The following ARID1B variants were observed in gnomAD, a reference collection of about 807,000 sequenced individuals.
ARID1B encodes AT-rich interaction domain 1B.
ARID1B carries 30 observed loss-of-function variants against 212.3 expected under a neutral mutation model. That is an observed-to-expected ratio of 0.14 (90% CI 0.11 to 0.19). The LOEUF is 0.19. Among genes scored for constraint, ARID1B ranks in the 10% least tolerant of loss-of-function variants. The pLI is 1.00. For missense variants in ARID1B, 2,891 were observed against 3,204.0 expected (o/e 0.90, Z 2.36); for synonymous variants, 1,402 against 1,301.7 (o/e 1.08, Z -1.66).
At chr6:156,887,025 A>G (rs1787561927) in intron 2 of ARID1B, among the ~76,000 whole-genome samples, 1 of 152,176 alleles carries the variant, frequency 6.6e-6, no homozygotes, top group African/African-American at 2.4e-5. Context: ...TGCTTTGTGA[A>G]ATGGTGGGCT....
chr6:157,011,520 T>A (rs1171082958), intron 4 of ARID1B, among the ~76,000 whole-genome samples: 2 of 152,200 alleles, frequency 1.3e-5, no homozygotes, highest in African/African-American at 4.8e-5. Context: ...AAGTATAAAA[T>A]GAAAATGTGA....
At chr6:157,023,418 A>G (rs951834083) in intron 4 of ARID1B, 1 of 152,190 alleles carries the variant, frequency 6.6e-6, no homozygotes, top group Non-Finnish European at 1.5e-5. Context: ...GGAAAAGCTT[A>G]ATTTTCTCTG....
intron 6 of ARID1B, among the ~76,000 whole-genome samples, chr6:157,127,184 C>T (rs949295463): frequency 6.6e-6 from 1 of 152,180 alleles, no homozygotes; most frequent in African/African-American, 2.4e-5. Context: ...GAATCATAGA[C>T]ACCTATAGCT....
At chr6:156,803,396 C>T (rs369700559) in intron 1 of ARID1B, among the ~76,000 whole-genome samples, 1 of 152,132 alleles carries the variant, frequency 6.6e-6, no homozygotes, top group Non-Finnish European at 1.5e-5. Flanking sequence ...TAAGAGAGAA[C>T]CAAAATATTT....
At chr6:157,090,170 GCCAGAGGCTTTTGT>G (rs145672250) in intron 5 of ARID1B, among the ~76,000 whole-genome samples, 3,279 of 152,260 alleles carry the variant, frequency 0.022, 113 homozygotes, top group African/African-American at 0.075. Flanking sequence ...TATTTTATTG[GCCAGAGGCTTTTGT>G]CAGCTTTTCC....
intron 19 of ARID1B, chr6:157,204,212 CTTA>C: frequency 1.9e-6 from 1 of 515,204 alleles, no homozygotes; most frequent in Non-Finnish European, 3.4e-6. Context: ...ACCTCTATTT[CTTA>C]TGAGAGAACA....
intron 12 of ARID1B, among the ~76,000 whole-genome samples, chr6:157,182,530 G>C (rs1316663830): frequency 6.6e-6 from 1 of 152,052 alleles, no homozygotes; most frequent in African/African-American, 2.4e-5. Flanking sequence ...AGGTGGCGGG[G>C]GTCACTAACT....
intron 5 of ARID1B, among the ~76,000 whole-genome samples, chr6:157,103,195 AAAG>A (rs1786199873): frequency 6.6e-6 from 1 of 152,230 alleles, no homozygotes; most frequent in Non-Finnish European, 1.5e-5. Context: ...GATGAGTTAC[AAAG>A]ATCTAATTAT....
chr6:157,174,739 TA>T (rs942327196), intron 10 of ARID1B, 107 bp from the exon 11 acceptor site: 1 of 293,450 alleles, frequency 3.4e-6, no homozygotes. Context: ...TATATATATA[TA>T]ATATATATAA....
intron 8 of ARID1B, among the ~76,000 whole-genome samples, chr6:157,156,269 CAA>C (rs1025088331): frequency 2.6e-5 from 4 of 152,122 alleles, no homozygotes; most frequent in African/African-American, 9.7e-5. Context: ...TATTGAAAGA[CAA>C]AGAGAAAAGA....
intron 4 of ARID1B, among the ~76,000 whole-genome samples, chr6:157,010,448 G>C (rs191289623): frequency 2.1e-4 from 32 of 151,740 alleles, no homozygotes; most frequent in Non-Finnish European, 4.6e-4. Context: ...TCAGCCTCCC[G>C]AGTAGCTGGG....
chr6:157,093,086 G>T (rs190890709), intron 5 of ARID1B, among the ~76,000 whole-genome samples: 1 of 152,246 alleles, frequency 6.6e-6, no homozygotes, highest in African/African-American at 2.4e-5. Context: ...TTCTCCCTTC[G>T]CTGAGAATGA....
chr6:156,912,396 C>T (rs1018614541), intron 3 of ARID1B, among the ~76,000 whole-genome samples: 3 of 152,062 alleles, frequency 2.0e-5, no homozygotes, highest in Admixed American at 2.0e-4. Context: ...CCAGCCCCAT[C>T]TTATTAAACC....
At position 157,196,245 on chromosome 6, in the gene ARID1B, T is replaced by A. The variant is rs1488820879; in HGVS notation, c.4312T>A (p.Ser1438Thr). The change falls in exon 16 of 20, where the codon TCC (serine) becomes ACC (threonine). Residue 1438 changes from serine to threonine, a missense_variant. By Grantham distance (58) the Ser-to-Thr change is moderately conservative (BLOSUM62 1). This residue lies in a region of ARID1B where 666 missense variants were observed against 873.5 expected (regional missense o/e 0.76). Transcript: ENST00000636930. ...SMQDMYNQSP[S>T]GAMSNLGMGQ... is the part of the protein sequence containing the mutation. ...GCAGGACATGTACAACCAAAGTCCC[T>A]CCGGAGCAATGTCTAACCTGGGCAT... is the stretch of plus-strand genomic sequence containing the variant. 3 of 1,613,212 alleles carry A rather than the reference T, an allele frequency of 1.9e-6. No individual in the cohort carries two copies. The highest frequency in any genetic ancestry group is 2.2e-5 in the South Asian group (2 of 90,914).
intron 15 of ARID1B, among the ~76,000 whole-genome samples, chr6:157,191,830 A>G (rs1793397876): frequency 6.6e-6 from 1 of 152,256 alleles, no homozygotes; most frequent in Admixed American, 6.5e-5. Flanking sequence ...TCCCTTAAAT[A>G]ATAGTACCTG....
At chr6:157,108,363 G>A (rs1027729419) in intron 5 of ARID1B, among the ~76,000 whole-genome samples, 3 of 152,164 alleles carry the variant, frequency 2.0e-5, no homozygotes, top group Non-Finnish European at 2.9e-5. Context: ...GGCGTGCACT[G>A]TCTAAGCCAC....
chr6:156,995,681 T>G (rs921571192), intron 4 of ARID1B, among the ~76,000 whole-genome samples: 2 of 152,202 alleles, frequency 1.3e-5, no homozygotes, highest in African/African-American at 4.8e-5. Context: ...GCCCAAATAT[T>G]CAATTATCGT....
intron 7 of ARID1B, among the ~76,000 whole-genome samples, chr6:157,137,932 C>T (rs1374309796): frequency 6.6e-6 from 1 of 152,018 alleles, no homozygotes. Context: ...AAATTAGATG[C>T]CATCTAGAAA....
rs545593555 is a variant in ARID1B at position 157,133,384 on chromosome 6, G to A, written c.2761+177G>A. Among the ~76,000 whole-genome samples, 6 of 152,344 alleles carry A rather than the reference G, an allele frequency of 3.9e-5. No individual in the cohort carries two copies. The South Asian group carries it at 1.2e-3, about 32-fold the overall frequency. ...CTTTAGCTGCCCATAATGATGGGAG[G>A]AATAATTACAGCCACTATTGGTGAA... On this transcript the variant is annotated intron_variant, in intron 7 of 19. Transcript: ENST00000636930.
Sources: allele counts gnomAD v4.1 joint callset (sites outside exome capture counted in the v4.1 genomes callset), GRCh38; gene constraint gnomAD v4.1.1; regional missense constraint gnomAD v4.1.1; transcripts MANE v1.5; gene names NCBI Gene and HGNC (gene_info 2026-07-23, HGNC 2026-07-21).